OR4D1: variants seen among roughly 807,000 people sequenced by gnomAD.
The protein encoded by OR4D1 is olfactory receptor family 4 subfamily D member 1.
In OR4D1, 10 loss-of-function variants were observed where a neutral mutation model predicts 14.2. The observed-to-expected ratio is 0.71, with a 90% CI of 0.44 to 1.20. The LOEUF is 1.20. Among genes scored for constraint, OR4D1 ranks in the 50% most tolerant of loss-of-function variants. The pLI is 0.00. For synonymous variants in OR4D1, 141 were observed against 147.4 expected (o/e 0.96, Z 0.32); for missense variants, 345 against 376.6 (o/e 0.92, Z 0.70).
At chr17:58,149,129 G>A (rs759821372) in intron 1 of OR4D1, among the ~76,000 whole-genome samples, 3 of 152,294 alleles carry the variant, frequency 2.0e-5, no homozygotes, top group Non-Finnish European at 4.4e-5. Context: ...ACAGATGGGA[G>A]AGAAGATTGA....
rs1407139679 is a variant in OR4D1 at position 58,157,040 on chromosome 17, T to A, written c.*954T>A. 125 of 1,140,002 alleles carry A rather than the reference T, an allele frequency of 1.1e-4. No individual in the cohort carries two copies. The highest frequency in any genetic ancestry group is 1.5e-4 in the Non-Finnish European group (118 of 795,296). 70.6% of individuals were successfully genotyped at this position (1,140,002 alleles called of 1,614,324 possible). On this transcript the variant is annotated 3_prime_UTR_variant, in exon 4 of 4. Coordinates refer to ENST00000268912, the MANE Select transcript of OR4D1 (RefSeq NM_001386095.1). ...AGGCATGGCTTCTGTTTTCGTCCAA[T>A]GAGAAGGGGCCAGCGGTGGCGGTCG... is the stretch of plus-strand genomic sequence containing the variant.
rs2143662815 is a variant in OR4D1 at position 58,156,123 on chromosome 17, T to C, written c.*37T>C. The C allele has an allele frequency of 1.5e-6, 2 of 1,338,046 alleles. No homozygotes were observed. Among genetic ancestry groups the C allele is most frequent in the South Asian group, 2.9e-5 (2 of 69,356 alleles). 82.9% of individuals were successfully genotyped at this position (1,338,046 alleles called of 1,614,324 possible). A position where few individuals can be genotyped will look rare whatever the true frequency, so the allele number is the denominator to read the frequency against. On this transcript the variant is annotated 3_prime_UTR_variant, in exon 4 of 4. Coordinates refer to ENST00000268912, the MANE Select transcript of OR4D1 (RefSeq NM_001386095.1). Reference sequence around the variant, plus strand: ...GTTGACTTTAAATGACAAATTTCTCTGGATTTTTATTTTCCCACATGAAAA... The same window carrying C: ...GTTGACTTTAAATGACAAATTTCTCCGGATTTTTATTTTCCCACATGAAAA...
chr17:58,157,139 C>T lies in OR4D1; in HGVS notation c.*1053C>T, dbSNP rs368005874. 3.7e-5 allele frequency: 55 copies of T among 1,474,244 alleles called. No individual in the cohort carries two copies. Among genetic ancestry groups the T allele is most frequent in the Non-Finnish European group, 4.9e-5 (54 of 1,107,646 alleles). The allele number at this position is 1,474,244 out of a possible 1,614,324, so 91.3% of individuals were successfully genotyped here. On this transcript the variant is annotated 3_prime_UTR_variant, in exon 4 of 4. Transcript: ENST00000268912. The stretch of plus-strand genomic sequence containing the variant: ...GCGTCAAGGTCTCCAGCCTGCCCTA[C>T]AGTGTGGATGCGCTCGTGTCGGACA...
chr17:58,157,541 C>T lies in OR4D1; in HGVS notation c.*1455C>T. 2 of 1,461,464 alleles carry T rather than the reference C, an allele frequency of 1.4e-6. No homozygotes were observed. Among genetic ancestry groups the T allele is most frequent in the Non-Finnish European group, 9.6e-7 (1 of 1,041,666 alleles). The allele number at this position is 1,461,464 out of a possible 1,614,324, so 90.5% of individuals were successfully genotyped here. On this transcript the variant is annotated 3_prime_UTR_variant, in exon 4 of 4. Coordinates refer to ENST00000268912, the MANE Select transcript of OR4D1 (RefSeq NM_001386095.1). Reference sequence around the variant, plus strand: ...TGCGGACTTCTCCAGCTCTCCGAACCTCACGGAGACTCAGGTCAAAATCTT... The same window carrying T: ...TGCGGACTTCTCCAGCTCTCCGAACTTCACGGAGACTCAGGTCAAAATCTT...
In OR4D1 at chr17:58,157,958, G is replaced by C. The variant is rs1967800146; in HGVS notation, c.*1872G>C. ...GCCGGCAGGGCCACACGACACAGCT[G>C]AAGTTTGTTCTTTAGGCGGAGGCAC... On this transcript the variant is annotated 3_prime_UTR_variant, in exon 4 of 4. Coordinates refer to ENST00000268912, the MANE Select transcript of OR4D1 (RefSeq NM_001386095.1). 4 of 664,098 alleles carry C rather than the reference G, an allele frequency of 6.0e-6. No individual in the cohort carries two copies. Among genetic ancestry groups the C allele is most frequent in the African/African-American group, 1.8e-5 (1 of 56,228 alleles). 41.1% of individuals were successfully genotyped at this position (664,098 alleles called of 1,614,324 possible). A position where few individuals can be genotyped will look rare whatever the true frequency, so the allele number is the denominator to read the frequency against.
At chr17:58,150,449 G>A (rs1187845520) in intron 2 of OR4D1, among the ~76,000 whole-genome samples, 3 of 152,188 alleles carry the variant, frequency 2.0e-5, no homozygotes, top group South Asian at 4.1e-4. Flanking sequence ...AAGGAAGAAC[G>A]AATATGCCTT....
chr17:58,157,602 A>G lies in OR4D1; in HGVS notation c.*1516A>G, dbSNP rs1160874505. On this transcript the variant is annotated 3_prime_UTR_variant, in exon 4 of 4. Transcript: ENST00000268912. ...CGAAGGGCCAAGACGAAAAGACTGC[A>G]GGAGTCAGAACTGGAAAAGCTGAAA... 1 of 1,613,048 alleles carries G rather than the reference A, an allele frequency of 6.2e-7. No homozygotes were observed. The highest frequency in any genetic ancestry group is 2.2e-5 in the East Asian group (1 of 44,880).
chr17:58,159,480 G>T lies in OR4D1; in HGVS notation c.*3394G>T. The T allele has an allele frequency of 6.6e-6, 1 of 150,884 alleles. No individual in the cohort carries two copies. Among genetic ancestry groups the T allele is most frequent in the South Asian group, 1.9e-4 (1 of 5,178 alleles). The allele number at this position is 150,884 out of a possible 1,614,324, so 9.3% of individuals were successfully genotyped here. ...GGATGCAGCAACAAGGTGCCATCTT[G>T]GAAGCAGAGAATAGCCCTCACCAGA... On this transcript the variant is annotated 3_prime_UTR_variant, in exon 4 of 4. Transcript: ENST00000268912.
chr17:58,157,963 T>A lies in OR4D1; in HGVS notation c.*1877T>A. ...CAGGGCCACACGACACAGCTGAAGT[T>A]TGTTCTTTAGGCGGAGGCACCAAGC... On this transcript the variant is annotated 3_prime_UTR_variant, in exon 4 of 4. Transcript: ENST00000268912. 1.7e-6 allele frequency: 1 copy of A among 597,216 alleles called. No homozygotes were observed. Among genetic ancestry groups the A allele is most frequent in the South Asian group, 2.3e-5 (1 of 42,702 alleles). The allele number at this position is 597,216 out of a possible 1,614,324, so 37.0% of individuals were successfully genotyped here. A position where few individuals can be genotyped will look rare whatever the true frequency, so the allele number is the denominator to read the frequency against.
At chr17:58,151,995 CTCTAAAT>C (rs1484572460) in intron 2 of OR4D1, among the ~76,000 whole-genome samples, 5 of 152,100 alleles carry the variant, frequency 3.3e-5, no homozygotes, top group African/African-American at 1.2e-4. Flanking sequence ...TTATCTATTG[CTCTAAAT>C]TCTCAATAAT....
rs1597953353 is a variant in OR4D1 at position 58,157,859 on chromosome 17, T to C, written c.*1773T>C. 6.6e-7 allele frequency: 1 copy of C among 1,526,472 alleles called. No individual in the cohort carries two copies. Among genetic ancestry groups the C allele is most frequent in the Non-Finnish European group, 9.0e-7 (1 of 1,113,948 alleles). 94.6% of individuals were successfully genotyped at this position (1,526,472 alleles called of 1,614,324 possible). A position where few individuals can be genotyped will look rare whatever the true frequency, so the allele number is the denominator to read the frequency against. Reference sequence around the variant, plus strand: ...GATGTTTGTTTCAAAGGGTTTCCTCTCCCTCTCCAAGAAGGCAGGACCAGC... The same window carrying C: ...GATGTTTGTTTCAAAGGGTTTCCTCCCCCTCTCCAAGAAGGCAGGACCAGC... On this transcript the variant is annotated 3_prime_UTR_variant, in exon 4 of 4. Transcript: ENST00000268912.
In OR4D1 at chr17:58,155,409, C is replaced by G; in HGVS notation, c.256C>G (p.Leu86Val). The change falls in exon 4 of 4, where the codon CTC (leucine) becomes GTC (valine). Residue 86 changes from leucine (L) to valine (V), a missense_variant. Leu to Val is a conservative substitution (Grantham distance 32, BLOSUM62 1). Transcript: ENST00000268912. Reference protein sequence around the residue: ...VTSPKMLVDFLHETKTISYQG... With the variant: ...VTSPKMLVDFVHETKTISYQG... ...CTCTCCAAAGATGCTGGTGGACTTC[C>G]TCCATGAGACCAAGACGATCTCCTA... The G allele has an allele frequency of 6.2e-7, 1 of 1,614,200 alleles. No individual in the cohort carries two copies. Among genetic ancestry groups the G allele is most frequent in the South Asian group, 1.1e-5 (1 of 91,074 alleles).
rs542868535 is a variant in OR4D1 at position 58,156,965 on chromosome 17, G to T, written c.*879G>T. The stretch of plus-strand genomic sequence containing the variant: ...CCCCACAAAAAAAGTTTGAGTCGCC[G>T]CTGCGGGTTGCTAGCGGAGTCGCGC... On this transcript the variant is annotated 3_prime_UTR_variant, in exon 4 of 4. Transcript: ENST00000268912. 38 of 697,914 alleles carry T rather than the reference G, an allele frequency of 5.4e-5. No homozygotes were observed. In the African/African-American group the frequency reaches 6.5e-4, roughly 12 times the overall value. 43.2% of individuals were successfully genotyped at this position (697,914 alleles called of 1,614,324 possible). A position where few individuals can be genotyped will look rare whatever the true frequency, so the allele number is the denominator to read the frequency against.
At chr17:58,154,027 C>T (rs969242355) in intron 3 of OR4D1, among the ~76,000 whole-genome samples, 64 bp downstream of exon 3, 3 of 152,278 alleles carry the variant, frequency 2.0e-5, no homozygotes, top group African/African-American at 7.2e-5. Context: ...CACTATGTTG[C>T]CCAGGCTTGT....
In OR4D1 at chr17:58,157,320, A is replaced by G; in HGVS notation, c.*1234A>G. ...CGAGACCGCCTCGGTCAAGTGGGAA[A>G]ACTCCCTAAGACGGAGCGGCGTGGA... is the stretch of plus-strand genomic sequence containing the variant. On this transcript the variant is annotated 3_prime_UTR_variant, in exon 4 of 4. Coordinates refer to ENST00000268912, the MANE Select transcript of OR4D1 (RefSeq NM_001386095.1). 3 of 1,498,366 alleles carry G rather than the reference A, an allele frequency of 2.0e-6. No homozygotes were observed. The highest frequency in any genetic ancestry group is 2.7e-6 in the Non-Finnish European group (3 of 1,114,014). 92.8% of individuals were successfully genotyped at this position (1,498,366 alleles called of 1,614,324 possible). A position where few individuals can be genotyped will look rare whatever the true frequency, so the allele number is the denominator to read the frequency against.
chr17:58,153,178 G>A (rs1228448320), intron 2 of OR4D1, among the ~76,000 whole-genome samples: 1 of 152,156 alleles, frequency 6.6e-6, no homozygotes, highest in East Asian at 1.9e-4. Context: ...AGACCAAAAT[G>A]TGTTACCCTC....
chr17:58,155,542 T>C lies in OR4D1; in HGVS notation c.389T>C (p.Leu130Pro), dbSNP rs774271950. The change falls in exon 4 of 4, where the codon CTC becomes CCC. Residue 130 changes from leucine to proline, a missense_variant. Transcript: ENST00000268912. ...CGCTACATAGCCATCTCCCAGCCCC[T>C]CCGGTATGTCACCATCATGAACACT... ...YDRYIAISQP[L>P]RYVTIMNTQL... is the part of the protein sequence containing the mutation. The C allele has an allele frequency of 2.5e-6, 4 of 1,614,012 alleles. No individual in the cohort carries two copies. The South Asian group carries it at 3.3e-5, about 13-fold the overall frequency.
intron 1 of OR4D1, 46 bp downstream of exon 1, chr17:58,148,630 G>A (rs970138785): frequency 1.3e-5 from 2 of 152,290 alleles, no homozygotes; most frequent in African/African-American, 2.4e-5. Context: ...GAAGTCATCA[G>A]GCATTAATGC....
rs1967751691 is a variant in OR4D1 at position 58,155,242 on chromosome 17, T to G, written c.89T>G (p.Leu30Arg). 3.7e-6 allele frequency: 6 copies of G among 1,614,218 alleles called. No individual in the cohort carries two copies. The highest frequency in any genetic ancestry group is 5.1e-6 in the Non-Finnish European group (6 of 1,180,022). ...GAGCTCCAGAAATTCCTGTTCCTTCTGTTCCTGTTAGTCTATGTTACCACC... is the reference window on the plus strand; with the variant it reads ...GAGCTCCAGAAATTCCTGTTCCTTCGGTTCCTGTTAGTCTATGTTACCACC... ...TQELQKFLFL[L>R]FLLVYVTTIV... The change falls in exon 4 of 4, where the codon CTG becomes CGG. Residue 30 changes from leucine to arginine, a missense_variant. Leu to Arg is a moderately radical substitution (Grantham distance 102). Transcript: ENST00000268912.
Sources: allele counts gnomAD v4.1 joint callset (sites outside exome capture counted in the v4.1 genomes callset), GRCh38; gene constraint gnomAD v4.1.1; transcripts MANE v1.5; gene names NCBI Gene and HGNC (gene_info 2026-07-23, HGNC 2026-07-21).